TRIM17: variants seen among roughly 807,000 people sequenced by gnomAD.
TRIM17 encodes E3 ubiquitin-protein ligase TRIM17.
TRIM17 carries 27 observed loss-of-function variants against 35.8 expected under a neutral mutation model. The observed-to-expected ratio is 0.75, with a 90% CI of 0.56 to 1.04. The LOEUF (loss-of-function observed/expected upper bound fraction) is 1.04, where lower values mean the gene tolerates loss of function less well. Ranked by LOEUF, TRIM17 falls within the 50% of genes least tolerant of loss-of-function variation. The pLI is 0.00. For synonymous variants in TRIM17, 246 were observed against 252.6 expected (o/e 0.97, Z 0.25); for missense variants, 582 against 612.8 (o/e 0.95, Z 0.53).
In TRIM17 at chr1:228,408,049, A is replaced by C. The variant is rs1574091908; in HGVS notation, c.*152T>G. 3 of 692,442 alleles carry C rather than the reference A, an allele frequency of 4.3e-6. No homozygotes were observed. In the South Asian group the frequency reaches 8.1e-5, roughly 19 times the overall value. The allele number at this position is 692,442 out of a possible 1,614,324, so 42.9% of individuals were successfully genotyped here. A position where few individuals can be genotyped will look rare whatever the true frequency, so the allele number is the denominator to read the frequency against. ...ACCCTCTTAATGTTTGACAGTTCTA[A>C]TCACAATTATATTTAGAATTTGAGA... On this transcript the variant is annotated 3_prime_UTR_variant, in exon 7 of 7. Coordinates refer to ENST00000366698, the MANE Select transcript of TRIM17 (RefSeq NM_016102.4). This position sits in a 1 kb window ranked among gnomAD's most constrained non-coding sequence, Gnocchi z 6.3.
chr1:228,414,872 C>G lies in TRIM17; in HGVS notation c.201G>C (p.Glu67Asp). 6.2e-7 allele frequency: 1 copy of G among 1,613,622 alleles called. No homozygotes were observed. The highest frequency in any genetic ancestry group is 8.5e-7 in the Non-Finnish European group (1 of 1,179,972). ...KGSFPCPECR[E>D]MSPQRNLLPN... ...GCAGCAGGTTCCTCTGCGGGGACAT[C>G]TCTCTGCACTCGGGGCAGGGGAAGG... The change falls in exon 2 of 7, where the codon GAG (glutamate) becomes GAC (aspartate). Residue 67 changes from glutamate to aspartate, a missense_variant. By Grantham distance (45) the Glu-to-Asp change is conservative. Coordinates refer to ENST00000366698, the MANE Select transcript of TRIM17 (RefSeq NM_016102.4).
rs1435634605 is a variant in TRIM17, at chr1:228,413,878, C to T, written c.444G>A (p.Glu148=). The T allele has an allele frequency of 6.2e-7, 1 of 1,614,156 alleles. No individual in the cohort carries two copies. Among genetic ancestry groups the T allele is most frequent in the Non-Finnish European group, 8.5e-7 (1 of 1,179,986 alleles). ...AVQGYKLKLE[E]DMEYLREQIT... ...TCTGCTCCCGAAGGTACTCCATGTC[C>T]TCCTCCAGCTTCAACTGTGGGACAC... Residue 148 remains glutamate (E), a synonymous_variant, in exon 3 of 7, where the codon GAG becomes GAA. Transcript: ENST00000366698.
In TRIM17 at chr1:228,408,902, G is replaced by C. The variant is rs1234048841; in HGVS notation, c.884-151C>G. The stretch of plus-strand genomic sequence containing the variant: ...TGCTGTGAATCTGGGGTTACTTGAT[G>C]CTTCCACACACCAATTGTGTGTGGG... On this transcript the variant is annotated intron_variant, in intron 6 of 6. Transcript: ENST00000366698. This position sits in a 1 kb window ranked among gnomAD's most constrained non-coding sequence, Gnocchi z 6.3. 2.7e-6 allele frequency: 4 copies of C among 1,478,774 alleles called. No individual in the cohort carries two copies. The highest frequency in any genetic ancestry group is 1.9e-4 in the Middle Eastern group (1 of 5,320). The allele number at this position is 1,478,774 out of a possible 1,614,324, so 91.6% of individuals were successfully genotyped here.
chr1:228,412,697 G>A (rs998629284), intron 3 of TRIM17, among the ~76,000 whole-genome samples: 7 of 149,934 alleles, frequency 4.7e-5, no homozygotes, highest in African/African-American at 1.7e-4. Context: ...TTGAGTCCAG[G>A]AATTTGAGGC....
In TRIM17 at chr1:228,409,154, C is replaced by T; in HGVS notation, c.883+18G>A. On this transcript the variant is annotated intron_variant, in intron 6 of 6. Coordinates refer to ENST00000366698, the MANE Select transcript of TRIM17 (RefSeq NM_016102.4). ...AGAGATCCTGGGTCAGAGGTCCTGG[C>T]CCTGGGTGCCCACTTACCTAGAAAG... 1.2e-6 allele frequency: 2 copies of T among 1,614,030 alleles called. No homozygotes were observed. Among genetic ancestry groups the T allele is most frequent in the Non-Finnish European group, 1.7e-6 (2 of 1,179,992 alleles).
chr1:228,412,873 G>A (rs763709457), intron 3 of TRIM17, among the ~76,000 whole-genome samples: 52 of 152,266 alleles, frequency 3.4e-4, no homozygotes, highest in Non-Finnish European at 1.9e-4. Flanking sequence ...AGAACCCGCA[G>A]AAGCAGGAAA....
In TRIM17 at chr1:228,408,447, C is replaced by A; in HGVS notation, c.1188G>T (p.Gly396=). The change falls in exon 7 of 7, where the codon GGG becomes GGT. Residue 396 remains glycine (G), a synonymous_variant. Transcript: ENST00000366698. This position sits in a 1 kb window ranked among gnomAD's most constrained non-coding sequence, Gnocchi z 6.3. ...CAGAGAAGGTGGATAAGTACTTGGTCCCCTTGGACAGCTGCACCACCCAGA... is the reference window on the plus strand; with the variant it reads ...CAGAGAAGGTGGATAAGTACTTGGTACCCTTGGACAGCTGCACCACCCAGA... ...NGFWVVQLSK[G]TKYLSTFSAL... 1 of 1,614,182 alleles carries A rather than the reference C, an allele frequency of 6.2e-7. No homozygotes were observed. The highest frequency in any genetic ancestry group is 8.5e-7 in the Non-Finnish European group (1 of 1,180,018).
intron 1 of TRIM17, chr1:228,415,680 T>C (rs1414416817): frequency 6.5e-6 from 1 of 152,928 alleles, no homozygotes; most frequent in Admixed American, 6.5e-5. Context: ...GAAGAAGGGA[T>C]GGGCTATCAG....
chr1:228,409,077 A>ACC (rs199946126), intron 6 of TRIM17, 95 bp downstream of exon 6: 4 of 1,611,390 alleles, frequency 2.5e-6, no homozygotes, highest in African/African-American at 2.7e-5. Flanking sequence ...CACTTGTAGA[A>ACC]CCCCCCCCAT....
Position 228,413,849 on chromosome 1 carries a change from G to T in TRIM17, c.473C>A (p.Thr158Asn), listed in dbSNP as rs1194340448. 6.2e-7 allele frequency: 1 copy of T among 1,614,216 alleles called. No homozygotes were observed. Among genetic ancestry groups the T allele is most frequent in the Admixed American group, 1.7e-5 (1 of 60,024 alleles). The change falls in exon 3 of 7, where the codon ACC (threonine) becomes AAC (asparagine). Residue 158 changes from threonine (T) to asparagine (N), a missense_variant. By Grantham distance (65) the Thr-to-Asn change is moderately conservative. Transcript: ENST00000366698. The stretch of plus-strand genomic sequence containing the variant: ...CCTGGCCTGCAGATTCCCTGTCCTG[G>T]TGATCTGCTCCCGAAGGTACTCCAT... ...EDMEYLREQI[T>N]RTGNLQAREE...
At chr1:228,416,348 C>G (rs1388420644) in intron 1 of TRIM17, 191 bp downstream of exon 1, 1 of 985,414 alleles carries the variant, frequency 1.0e-6, no homozygotes, top group Admixed American at 6.1e-5. Flanking sequence ...GGATGGCTGT[C>G]CTTCCCGCTC....
intron 2 of TRIM17, among the ~76,000 whole-genome samples, chr1:228,414,319 ATG>A (rs1178241559): frequency 2.6e-5 from 4 of 152,236 alleles, no homozygotes; most frequent in Non-Finnish European, 4.4e-5. Context: ...CTCCTGGGTC[ATG>A]GAAAGCTTAC....
Position 228,416,640 on chromosome 1 carries a change from C to G in TRIM17, c.-143G>C. Reference sequence around the variant, plus strand: ...CCACGAAGCCCAGGAGGCTGCGGCCCGGCCCGGGGCGTGGGGACCTGGGGT... The same window carrying G: ...CCACGAAGCCCAGGAGGCTGCGGCCGGGCCCGGGGCGTGGGGACCTGGGGT... On this transcript the variant is annotated 5_prime_UTR_variant, in exon 1 of 7. Transcript: ENST00000366698. 1 of 975,430 alleles carries G rather than the reference C, an allele frequency of 1.0e-6. No homozygotes were observed. Among genetic ancestry groups the G allele is most frequent in the Non-Finnish European group, 1.2e-6 (1 of 827,564 alleles). The allele number at this position is 975,430 out of a possible 1,614,324, so 60.4% of individuals were successfully genotyped here. A position where few individuals can be genotyped will look rare whatever the true frequency, so the allele number is the denominator to read the frequency against.
At position 228,415,106 on chromosome 1, in the gene TRIM17, G is replaced by C. The variant is rs751922604; in HGVS notation, c.-34C>G. 18 of 1,574,018 alleles carry C rather than the reference G, an allele frequency of 1.1e-5. No homozygotes were observed. In the Admixed American group the frequency reaches 1.4e-4, roughly 12 times the overall value. On this transcript the variant is annotated 5_prime_UTR_variant, in exon 2 of 7. Transcript: ENST00000366698. ...GGAGACACGAGGCAGGTTCCCGCTT[G>C]AGGGACTCTGGAGAGAGTTGGAGGG...
Position 228,411,955 on chromosome 1 carries a change from C to T in TRIM17, c.526-779G>A, listed in dbSNP as rs1196728388. Among the ~76,000 whole-genome samples the T allele has an allele frequency of 1.3e-5, 2 of 152,174 alleles. No homozygotes were observed. Among genetic ancestry groups the T allele is most frequent in the African/African-American group, 4.8e-5 (2 of 41,434 alleles). ...GGCTCCTGCGCTGGGTCCTAGAAGA[C>T]CAGACCCAACCAGAATGGAGTCACT... On this transcript the variant is annotated intron_variant, in intron 3 of 6. Coordinates refer to ENST00000366698, the MANE Select transcript of TRIM17 (RefSeq NM_016102.4). This position sits in a 1 kb window ranked among gnomAD's most constrained non-coding sequence, Gnocchi z 4.2.
chr1:228,408,822 C>T lies in TRIM17; in HGVS notation c.884-71G>A, dbSNP rs764244534. 7.8e-5 allele frequency: 120 copies of T among 1,542,206 alleles called. No individual in the cohort carries two copies. The highest frequency in any genetic ancestry group is 1.1e-4 in the Admixed American group (6 of 54,134). On this transcript the variant is annotated intron_variant, in intron 6 of 6. Coordinates refer to ENST00000366698, the MANE Select transcript of TRIM17 (RefSeq NM_016102.4). The surrounding 1 kb of genome is among the most constrained non-coding windows in gnomAD (Gnocchi z 6.3). ...ATTCAGGGTCAAAGGTGGGAGTCCC[C>T]GGGCCCTAGTGGTGGATGTGGCCAA...
At chr1:228,413,948 T>C in intron 2 of TRIM17, 56 bp from the exon 3 acceptor site, 2 of 1,455,984 alleles carry the variant, frequency 1.4e-6, no homozygotes, top group South Asian at 1.1e-5. Context: ...ACCTCCTGCC[T>C]AGAGTCCAGT....
intron 2 of TRIM17, among the ~76,000 whole-genome samples, chr1:228,414,348 T>A (rs113790590): frequency 0.013 from 2,024 of 152,364 alleles, 37 homozygotes; most frequent in African/African-American, 0.038. Context: ...TGAATTTCAG[T>A]GCTTTGCTTC....
At chr1:228,415,744 C>T (rs910180152) in intron 1 of TRIM17, 2 of 152,754 alleles carry the variant, frequency 1.3e-5, no homozygotes, top group Non-Finnish European at 2.9e-5. Context: ...AAAAAACACG[C>T]GTGTGCATGT....
Sources: gnomAD v4.1 joint callset for allele counts (sites outside exome capture counted in the v4.1 genomes callset) on GRCh38, gnomAD v4.1.1 for gene constraint, Gnocchi (gnomAD v3.1) non-coding constraint, MANE v1.5 for transcripts, NCBI Gene and HGNC (gene_info 2026-07-23, HGNC 2026-07-21) for gene names.